MAGI2: variants seen among roughly 807,000 people sequenced by gnomAD.
MAGI2 encodes membrane associated guanylate kinase, WW and PDZ domain containing 2.
A neutral mutation model predicts 133.3 loss-of-function variants in MAGI2; 35 were observed. The observed-to-expected ratio is 0.26, with a 90% CI of 0.20 to 0.35. MAGI2 has a LOEUF of 0.35. Among genes scored for constraint, MAGI2 ranks in the 10% least tolerant of loss-of-function variants. The pLI is 1.00. For missense variants in MAGI2, 1,636 were observed against 1,863.4 expected (o/e 0.88, Z 2.25); for synonymous variants, 729 against 710.6 (o/e 1.03, Z -0.41).
chr7:79,210,058 C>T (rs1209392213), intron 1 of MAGI2, among the ~76,000 whole-genome samples: 2 of 152,008 alleles, frequency 1.3e-5, no homozygotes, highest in East Asian at 3.9e-4. Context: ...AGCTAGCTTT[C>T]ATATTTTGCA....
chr7:79,175,340 T>C lies in MAGI2; in HGVS notation c.302-168134A>G, dbSNP rs543906700. Among the ~76,000 whole-genome samples, 5 of 152,080 alleles carry C rather than the reference T, an allele frequency of 3.3e-5. No homozygotes were observed. The East Asian group carries it at 9.6e-4, about 29-fold the overall frequency. On this transcript the variant is annotated intron_variant, in intron 1 of 21. Transcript: ENST00000354212. ...TATCTCTAATGAGTACATATTTCTTTTATAATACTAAAAGGCAATTCAGTT... is the reference window on the plus strand; with the variant it reads ...TATCTCTAATGAGTACATATTTCTTCTATAATACTAAAAGGCAATTCAGTT...
chr7:78,472,275 A>T (rs996326648), intron 6 of MAGI2, among the ~76,000 whole-genome samples: 2 of 152,158 alleles, frequency 1.3e-5, no homozygotes, highest in Non-Finnish European at 2.9e-5. Context: ...TTTAAAAAAT[A>T]GTCATTTCTT....
chr7:79,057,214 T>G (rs1190733211), intron 1 of MAGI2, among the ~76,000 whole-genome samples: 2 of 152,188 alleles, frequency 1.3e-5, no homozygotes, highest in African/African-American at 2.4e-5. Flanking sequence ...AAAGGTCCTT[T>G]AGAGATGACA....
chr7:79,444,386 A>T (rs919372649), intron 1 of MAGI2, among the ~76,000 whole-genome samples: 5 of 152,234 alleles, frequency 3.3e-5, no homozygotes, highest in Admixed American at 2.0e-4. Flanking sequence ...CCCTGTTTGC[A>T]GATGACATGA....
chr7:78,958,112 G>A (rs372775272), intron 2 of MAGI2, among the ~76,000 whole-genome samples: 23 of 152,258 alleles, frequency 1.5e-4, no homozygotes, highest in African/African-American at 5.5e-4. Context: ...TTCACAGTGT[G>A]TTATCTTCTT....
intron 1 of MAGI2, among the ~76,000 whole-genome samples, chr7:79,193,798 A>T (rs1474325837): frequency 1.3e-5 from 2 of 151,758 alleles, no homozygotes; most frequent in African/African-American, 4.9e-5. Context: ...CATTTTTTAG[A>T]GTTTTTATTA....
intron 2 of MAGI2, among the ~76,000 whole-genome samples, chr7:78,812,586 A>ATGTG (rs10542588): frequency 0.031 from 4,623 of 149,384 alleles, 71 homozygotes; most frequent in African/African-American, 0.045. Flanking sequence ...ATATGTATGT[A>ATGTG]TGTGTGTGTG....
At chr7:79,043,147 A>G (rs898018239) in intron 1 of MAGI2, among the ~76,000 whole-genome samples, 1 of 152,140 alleles carries the variant, frequency 6.6e-6, no homozygotes, top group African/African-American at 2.4e-5. Flanking sequence ...TCTTAAATTA[A>G]CAGCCTAACA....
At chr7:79,126,675 A>G (rs1196237039) in intron 1 of MAGI2, among the ~76,000 whole-genome samples, 1 of 152,074 alleles carries the variant, frequency 6.6e-6, no homozygotes, top group Non-Finnish European at 1.5e-5. Context: ...TTCTAACTGA[A>G]TCACTTCTTT....
chr7:79,344,132 C>G (rs28538773), intron 1 of MAGI2, among the ~76,000 whole-genome samples: 2,325 of 152,010 alleles, frequency 0.015, 49 homozygotes, highest in African/African-American at 0.055. Flanking sequence ...ATGTCAAACT[C>G]TGTGAACTAG....
At chr7:78,124,356 T>G (rs192658801) in intron 20 of MAGI2, among the ~76,000 whole-genome samples, 4 of 152,268 alleles carry the variant, frequency 2.6e-5, no homozygotes, top group Non-Finnish European at 4.4e-5. Flanking sequence ...GGGCTGCCAG[T>G]CTCTGGTGTC....
intron 3 of MAGI2, among the ~76,000 whole-genome samples, chr7:78,539,640 A>G (rs139349533): frequency 6.4e-4 from 98 of 152,254 alleles, no homozygotes; most frequent in Non-Finnish European, 9.7e-4. Flanking sequence ...TCTTGAATCA[A>G]TGTTGACCAG....
intron 1 of MAGI2, among the ~76,000 whole-genome samples, chr7:79,340,588 T>C (rs1268770069): frequency 6.6e-6 from 1 of 152,202 alleles, no homozygotes; most frequent in East Asian, 1.9e-4. Context: ...TTTGTTGCTT[T>C]CTTTCACATT....
At chr7:78,611,771 A>G (rs1473293561) in intron 3 of MAGI2, among the ~76,000 whole-genome samples, 1 of 152,188 alleles carries the variant, frequency 6.6e-6, no homozygotes, top group African/African-American at 2.4e-5. Context: ...AGTTTCTTCA[A>G]GTGTACTGCC....
intron 9 of MAGI2, among the ~76,000 whole-genome samples, chr7:78,274,712 T>C (rs1019151863): frequency 1.3e-5 from 2 of 152,118 alleles, no homozygotes; most frequent in Admixed American, 6.5e-5. Flanking sequence ...CCTCAGTTCG[T>C]ACTTCATGGC....
At chr7:79,202,364 T>C (rs963703890) in intron 1 of MAGI2, among the ~76,000 whole-genome samples, 1 of 151,952 alleles carries the variant, frequency 6.6e-6, no homozygotes, top group African/African-American at 2.4e-5. Flanking sequence ...AATTTAATGT[T>C]TGGCTTTTCA....
At chr7:78,740,625 C>T (rs1295001973) in intron 2 of MAGI2, among the ~76,000 whole-genome samples, 2 of 152,162 alleles carry the variant, frequency 1.3e-5, no homozygotes, top group African/African-American at 2.4e-5. Context: ...GGGAATTATG[C>T]TCAGAAATTC....
chr7:78,592,777 CTG>C (rs2150849108), intron 3 of MAGI2, among the ~76,000 whole-genome samples: 1 of 150,540 alleles, frequency 6.6e-6, no homozygotes, highest in African/African-American at 2.4e-5. Flanking sequence ...AGAGCACAGA[CTG>C]TACACATTGT....
chr7:78,530,630 C>T (rs1448131643), intron 3 of MAGI2, among the ~76,000 whole-genome samples: 1 of 152,150 alleles, frequency 6.6e-6, no homozygotes, highest in Non-Finnish European at 1.5e-5. Flanking sequence ...TCCTCTATAA[C>T]TCCCTCTCAC....
Sources: gnomAD v4.1 joint callset for allele counts (sites outside exome capture counted in the v4.1 genomes callset) on GRCh38, gnomAD v4.1.1 for gene constraint, MANE v1.5 for transcripts, NCBI Gene and HGNC (gene_info 2026-07-23, HGNC 2026-07-21) for gene names.